The following ZNF503 variants were observed in gnomAD, a reference collection of about 807,000 sequenced individuals.
ZNF503 encodes the protein NocA-like zinc finger 2.
In ZNF503, 15 loss-of-function variants were observed where a neutral mutation model predicts 34.4. That is an observed-to-expected ratio of 0.44 (90% CI 0.29 to 0.67). The LOEUF is 0.67. ZNF503 is among the 30% of genes least tolerant of loss of function. The probability of loss-of-function intolerance (pLI) is 0.13; values close to 1 mark genes in which losing one functional copy is unlikely to be tolerated. For missense variants in ZNF503, 1,007 were observed against 926.8 expected, an observed-to-expected ratio of 1.09 and a Z score of -1.12; for synonymous variants, 580 against 456.8, an observed-to-expected ratio of 1.27 and a Z score of -3.44.
the ZNF503 span, among the ~76,000 whole-genome samples, chr10:75,346,098 T>C: frequency 3.3e-5 from 5 of 152,204 alleles, no homozygotes; most frequent in African/African-American, 1.2e-4. Flanking sequence ...TCTCTTGTTC[T>C]TGGACAGTTT....
At chr10:75,336,655 G>A in the ZNF503 span, among the ~76,000 whole-genome samples, 1 of 152,196 alleles carries the variant, frequency 6.6e-6, no homozygotes, top group Non-Finnish European at 1.5e-5. Flanking sequence ...TGATTTCTCT[G>A]TTTTGGATCT....
In ZNF503 at chr10:75,399,708, A is replaced by T. The variant is rs1400002355; in HGVS notation, c.982T>A (p.Ser328Thr). 1 of 1,599,574 alleles carries T rather than the reference A, an allele frequency of 6.3e-7. No homozygotes were observed. Among genetic ancestry groups the T allele is most frequent in the Non-Finnish European group, 8.5e-7 (1 of 1,178,632 alleles). ...AGCCCAGAGCCCAACACTGAGGAGG[A>T]GGTGGGCGCGCTGGGGCCGGAGCCG... is the stretch of plus-strand genomic sequence containing the variant. ...SSGSGPSAPT[S>T]SSVLGSGLVA... is the part of the protein sequence containing the mutation. Residue 328 changes from serine (S) to threonine (T), a missense_variant, in exon 2 of 2, where the codon TCC becomes ACC. Coordinates refer to ENST00000372524, the MANE Select transcript of ZNF503 (RefSeq NM_032772.6).
chr10:75,286,285 G>GAAA, the ZNF503 span, among the ~76,000 whole-genome samples: 134 of 140,002 alleles, frequency 9.6e-4, 1 homozygote, highest in African/African-American at 3.3e-3. Flanking sequence ...ACTGTCTCAG[G>GAAA]AAAAAAAAAA....
chr10:75,383,630 T>C, the ZNF503 span, among the ~76,000 whole-genome samples: 1 of 152,212 alleles, frequency 6.6e-6, no homozygotes, highest in Admixed American at 6.5e-5. Context: ...CAATCAGCTC[T>C]TCGGTAGTTA....
rs988912812 is a variant in ZNF503 at position 75,400,242 on chromosome 10, C to T, written c.448G>A (p.Gly150Ser). 3.7e-6 allele frequency: 6 copies of T among 1,611,698 alleles called. No individual in the cohort carries two copies. In the Admixed American group the frequency reaches 1.0e-4, roughly 27 times the overall value. The change falls in exon 2 of 2, where the codon GGT (glycine) becomes AGT (serine). Residue 150 changes from glycine to serine, a missense_variant. Gly to Ser is a moderately conservative substitution (Grantham distance 56). Transcript: ENST00000372524. ...NGGGAGGAGG[G>S]AAGDKDTKSG... ...TTGGTGTCCTTGTCGCCCGCAGCAC[C>T]GCCGCCGGCACCGCCCGCGCCGCCC...
the ZNF503 span, among the ~76,000 whole-genome samples, chr10:75,365,135 T>C: frequency 6.6e-6 from 1 of 152,176 alleles, no homozygotes; most frequent in African/African-American, 2.4e-5. Context: ...ATGGATGCAA[T>C]AGTCCATCTC....
At chr10:75,327,545 G>C in the ZNF503 span, among the ~76,000 whole-genome samples, 1 of 152,226 alleles carries the variant, frequency 6.6e-6, no homozygotes, top group East Asian at 1.9e-4. Context: ...ATTGTGAATG[G>C]TACTGCAATA....
At chr10:75,311,829 T>A in the ZNF503 span, among the ~76,000 whole-genome samples, 4 of 151,206 alleles carry the variant, frequency 2.6e-5, no homozygotes, top group Admixed American at 1.3e-4. Flanking sequence ...TGTTTTCTCA[T>A]CAGAAACCAT....
chr10:75,401,572 T>C lies in ZNF503; in HGVS notation c.-153A>G, dbSNP rs1322692152. The C allele has an allele frequency of 1.1e-5, 10 of 898,726 alleles. No homozygotes were observed. The highest frequency in any genetic ancestry group is 2.5e-5 in the Admixed American group (1 of 39,866). 55.7% of individuals were successfully genotyped at this position (898,726 alleles called of 1,614,324 possible). A position where few individuals can be genotyped will look rare whatever the true frequency, so the allele number is the denominator to read the frequency against. ...GCGCCCAGCGCGCCTTCTCGGCGCC[T>C]GGAGCCAGACGCGAGTAATCCTGGG... is the stretch of plus-strand genomic sequence containing the variant. On this transcript the variant is annotated 5_prime_UTR_variant, in exon 1 of 2. Coordinates refer to ENST00000372524, the MANE Select transcript of ZNF503 (RefSeq NM_032772.6).
chr10:75,319,809 T>G, the ZNF503 span, among the ~76,000 whole-genome samples: 1 of 152,222 alleles, frequency 6.6e-6, no homozygotes, highest in Admixed American at 6.5e-5. Flanking sequence ...GTATCATGCA[T>G]ACATTAATCA....
chr10:75,399,299 G>T lies in ZNF503; in HGVS notation c.1391C>A (p.Ser464Tyr). The T allele has an allele frequency of 6.2e-7, 1 of 1,602,132 alleles. No individual in the cohort carries two copies. Among genetic ancestry groups the T allele is most frequent in the Non-Finnish European group, 8.5e-7 (1 of 1,175,850 alleles). The change falls in exon 2 of 2, where the codon TCC (serine) becomes TAC (tyrosine). Residue 464 changes from serine (S) to tyrosine (Y), a missense_variant. Transcript: ENST00000372524. ...DPAAAAAALK[S>Y]GYPLVYPTHP... is the part of the protein sequence containing the mutation. ...CGTGGGGTACACCAGCGGGTATCCG[G>T]ACTTCAGCGCCGCAGCCGCAGCAGC... is the stretch of plus-strand genomic sequence containing the variant.
the ZNF503 span, among the ~76,000 whole-genome samples, chr10:75,307,969 A>T: frequency 6.6e-6 from 1 of 152,132 alleles, no homozygotes; most frequent in Non-Finnish European, 1.5e-5. Context: ...AGTTCCAACT[A>T]CTTGGGAGGC....
At chr10:75,347,868 A>T in the ZNF503 span, among the ~76,000 whole-genome samples, 9 of 151,788 alleles carry the variant, frequency 5.9e-5, no homozygotes, top group Non-Finnish European at 1.3e-4. Flanking sequence ...TCCCAAATTC[A>T]CCACTACCTT....
Position 75,401,339 on chromosome 10 carries a change from A to ACCGCCGCCTCCGCCTCCGCCG in ZNF503, c.60_80dup (p.Gly21_Gly27dup). On this transcript the variant is annotated inframe_insertion, in exon 1 of 2. Transcript: ENST00000372524. ...GCGCGCTGGTCCAGGCAGGGTCTGC[A>ACCGCCGCCTCCGCCTCCGCCG]CCGCCGCCTCCGCCTCCGCCGCCGC... 1 of 1,431,416 alleles carries ACCGCCGCCTCCGCCTCCGCCG rather than the reference A, an allele frequency of 7.0e-7. No homozygotes were observed. Among genetic ancestry groups the ACCGCCGCCTCCGCCTCCGCCG allele is most frequent in the Non-Finnish European group, 9.5e-7 (1 of 1,050,462 alleles). The allele number at this position is 1,431,416 out of a possible 1,614,324, so 88.7% of individuals were successfully genotyped here.
downstream of ZNF503, among the ~76,000 whole-genome samples, chr10:75,395,374 T>C (rs555501134): frequency 4.6e-5 from 7 of 152,176 alleles, no homozygotes; most frequent in Admixed American, 2.0e-4. The surrounding 1 kb of genome is among the most constrained non-coding windows in gnomAD (Gnocchi z 4.4). Flanking sequence ...TGGACACCGC[T>C]CCCAAAGCCA....
chr10:75,306,972 T>G, the ZNF503 span, among the ~76,000 whole-genome samples: 20 of 152,324 alleles, frequency 1.3e-4, no homozygotes, highest in African/African-American at 4.3e-4. Context: ...ACAATAATAT[T>G]GAAATTAGGC....
chr10:75,396,245 G>T (rs984906232), downstream of ZNF503, among the ~76,000 whole-genome samples: 1 of 152,226 alleles, frequency 6.6e-6, no homozygotes, highest in African/African-American at 2.4e-5. The surrounding 1 kb of genome is among the most constrained non-coding windows in gnomAD (Gnocchi z 4.4). Flanking sequence ...CGGGACCAGA[G>T]TGGGACCGGG....
chr10:75,364,656 C>A, the ZNF503 span, among the ~76,000 whole-genome samples: 1 of 151,916 alleles, frequency 6.6e-6, no homozygotes, highest in African/African-American at 2.4e-5. Flanking sequence ...TAGAGGGCCC[C>A]AAGACTCTAG....
the ZNF503 span, among the ~76,000 whole-genome samples, chr10:75,342,536 G>A: frequency 6.6e-6 from 1 of 152,146 alleles, no homozygotes; most frequent in Non-Finnish European, 1.5e-5. Flanking sequence ...ACACAGAGAT[G>A]GGTGCCATCG....
Sources: gnomAD v4.1 joint callset for allele counts (sites outside exome capture counted in the v4.1 genomes callset) on GRCh38, gnomAD v4.1.1 for gene constraint, Gnocchi (gnomAD v3.1) non-coding constraint, MANE v1.5 for transcripts, NCBI Gene and HGNC (gene_info 2026-07-23, HGNC 2026-07-21) for gene names.